RAP1GAP2: variants seen among roughly 807,000 people sequenced by gnomAD.
The protein encoded by RAP1GAP2 is rap1 GTPase-activating protein 2.
In RAP1GAP2, 27 loss-of-function variants were observed where a neutral mutation model predicts 95.0. The ratio of observed to expected loss-of-function variants is 0.28; its 90% CI spans 0.21 to 0.39. The LOEUF (loss-of-function observed/expected upper bound fraction) is 0.39. Ranked by LOEUF, RAP1GAP2 falls within the 10% of genes least tolerant of loss-of-function variation. RAP1GAP2 has a pLI of 1.00. For missense variants in RAP1GAP2, 771 were observed against 970.0 expected (o/e 0.79, Z 2.72); for synonymous variants, 373 against 380.9 (o/e 0.98, Z 0.24).
rs1381186174 is a variant in RAP1GAP2, at chr17:2,904,363, T to C, written c.81-921T>C. ...TCACCAGCGAGGGCCAGATGGAAAG[T>C]GGGGAGTGTGTGAGCGCGGCAAACT... On this transcript the variant is annotated intron_variant, in intron 2 of 24. Transcript: ENST00000254695. The surrounding 1 kb of genome is among the most constrained non-coding windows in gnomAD (Gnocchi z 4.7). Among the ~76,000 whole-genome samples the C allele has an allele frequency of 6.6e-6, 1 of 152,006 alleles. No individual in the cohort carries two copies. The highest frequency in any genetic ancestry group is 1.5e-5 in the Non-Finnish European group (1 of 68,002).
chr17:2,776,380 C>G (rs2068499332), upstream of RAP1GAP2, among the ~76,000 whole-genome samples: 1 of 152,220 alleles, frequency 6.6e-6, no homozygotes, highest in Non-Finnish European at 1.5e-5. Context: ...CCCATTGCCC[C>G]CATTGCATCT....
chr17:2,983,158 C>T (rs1292391210), intron 10 of RAP1GAP2, among the ~76,000 whole-genome samples: 1 of 152,226 alleles, frequency 6.6e-6, no homozygotes, highest in African/African-American at 2.4e-5. Context: ...GCCGCAGATT[C>T]CGGCCAATAA....
intron 2 of RAP1GAP2, among the ~76,000 whole-genome samples, chr17:2,876,323 C>G (rs12103537): frequency 0.014 from 2,125 of 152,216 alleles, 51 homozygotes; most frequent in African/African-American, 0.048. Context: ...ACCAATGTAG[C>G]CCCAGGAGAT....
At position 2,771,136 on chromosome 17, in the gene RAP1GAP2, C is replaced by T. The variant is rs141389960; in HGVS notation, c.167+691C>T. The stretch of plus-strand genomic sequence containing the variant: ...ACAAAAGACCAAAGACTGGAGATCC[C>T]TGGTTCCTTCCTCTCTGGAGGGAGA... On this transcript the variant is annotated intron_variant, in intron 2 of 25. Transcript: ENST00000637138. Among the ~76,000 whole-genome samples the T allele has an allele frequency of 5.4e-4, 83 of 152,300 alleles. 1 individual carries two copies. Among genetic ancestry groups the T allele is most frequent in the African/African-American group, 1.8e-3 (76 of 41,564 alleles).
chr17:2,755,677 A>G (rs1036041492), upstream of RAP1GAP2: 2 of 288,910 alleles, frequency 6.9e-6, no homozygotes, highest in Non-Finnish European at 1.3e-5. Context: ...AGCCTCCTCC[A>G]CCGTGCGGCC....
At chr17:2,810,818 C>A (rs1287131989) in intron 2 of RAP1GAP2, among the ~76,000 whole-genome samples, 2 of 151,902 alleles carry the variant, frequency 1.3e-5, no homozygotes, top group Non-Finnish European at 2.9e-5. Context: ...CGTGAGCCAC[C>A]GCGCCTGGCC....
chr17:2,852,432 C>T (rs1213902351), intron 2 of RAP1GAP2, among the ~76,000 whole-genome samples: 1 of 152,098 alleles, frequency 6.6e-6, no homozygotes, highest in East Asian at 1.9e-4. Flanking sequence ...TCCTCCCCTC[C>T]ACCCCAACTC....
chr17:3,005,249 G>C lies in RAP1GAP2; in HGVS notation c.1201-120G>C, dbSNP rs1014648533. On this transcript the variant is annotated intron_variant, in intron 14 of 24. Transcript: ENST00000254695. The surrounding 1 kb of genome is among the most constrained non-coding windows in gnomAD (Gnocchi z 5.2). The stretch of plus-strand genomic sequence containing the variant: ...CTGGCGATGCTCACAGGAGTATTTT[G>C]TTTGTGTTCTGGGAAGAGGAGGAGG... 2 of 1,017,828 alleles carry C rather than the reference G, an allele frequency of 2.0e-6. No individual in the cohort carries two copies. The highest frequency in any genetic ancestry group is 3.2e-5 in the African/African-American group (2 of 63,372). 63.0% of individuals were successfully genotyped at this position (1,017,828 alleles called of 1,614,324 possible).
Position 3,004,983 on chromosome 17 carries a change from C to T in RAP1GAP2, c.1201-386C>T, listed in dbSNP as rs902303777. Among the ~76,000 whole-genome samples the T allele has an allele frequency of 6.6e-6, 1 of 152,112 alleles. No individual in the cohort carries two copies. Among genetic ancestry groups the T allele is most frequent in the Non-Finnish European group, 1.5e-5 (1 of 68,024 alleles). On this transcript the variant is annotated intron_variant, in intron 14 of 24. Coordinates refer to ENST00000254695, the MANE Select transcript of RAP1GAP2 (RefSeq NM_015085.5). This position sits in a 1 kb window ranked among gnomAD's most constrained non-coding sequence, Gnocchi z 4.1. Reference sequence around the variant, plus strand: ...GGGGGCTTCTCTGTGTGTCTCTGGGCATCTGTTTCCTCATCAGGGAGAACA... The same window carrying T: ...GGGGGCTTCTCTGTGTGTCTCTGGGTATCTGTTTCCTCATCAGGGAGAACA...
chr17:3,007,689 C>T lies in RAP1GAP2; in HGVS notation c.1360-322C>T, dbSNP rs75198841. On this transcript the variant is annotated intron_variant, in intron 16 of 24. Transcript: ENST00000254695. ...GAGAGGAGCAGTGGGGAGTTGGGTG[C>T]GTGGATGTGGAGCTGGGGCAGAGGG... 5.4e-3 allele frequency among the ~76,000 whole-genome samples: 829 copies of T among 152,156 alleles called. 16 individuals are homozygous for T. The highest frequency in any genetic ancestry group is 0.044 in the East Asian group (226 of 5,170).
chr17:2,989,503 T>C (rs1256774879), intron 11 of RAP1GAP2, among the ~76,000 whole-genome samples: 1 of 152,118 alleles, frequency 6.6e-6, no homozygotes, highest in African/African-American at 2.4e-5. Context: ...CAGCTGATTT[T>C]TGCATTTTTA....
At position 3,035,691 on chromosome 17, in the gene RAP1GAP2, A is replaced by C. The variant is rs1374895997; in HGVS notation, c.*2330A>C. On this transcript the variant is annotated 3_prime_UTR_variant, in exon 25 of 25. Coordinates refer to ENST00000254695, the MANE Select transcript of RAP1GAP2 (RefSeq NM_015085.5). The surrounding 1 kb of genome is among the most constrained non-coding windows in gnomAD (Gnocchi z 4.3). ...CCATCCTGTGGCTTCCAGAGTGTGC[A>C]CTTCCAGCCCACCCGGGCAGTGCTG... The C allele has an allele frequency of 2.0e-5, 3 of 152,274 alleles. No individual in the cohort carries two copies. Among genetic ancestry groups the C allele is most frequent in the African/African-American group, 4.8e-5 (2 of 41,420 alleles). The allele number at this position is 152,274 out of a possible 1,614,324, so 9.4% of individuals were successfully genotyped here.
intron 1 of RAP1GAP2, among the ~76,000 whole-genome samples, chr17:2,786,058 T>C (rs1438658846): frequency 2.0e-5 from 3 of 152,078 alleles, no homozygotes; most frequent in Admixed American, 6.6e-5. Flanking sequence ...TGTGCCACCA[T>C]GCCTGGCTAA....
At chr17:2,910,695 CTCGAG>C (rs923197546) in intron 3 of RAP1GAP2, among the ~76,000 whole-genome samples, 3 of 152,128 alleles carry the variant, frequency 2.0e-5, no homozygotes. Flanking sequence ...GCCGTTCCTC[CTCGAG>C]TCAACAGAAT....
At chr17:2,781,782 GTT>G (rs1446352262) in intron 1 of RAP1GAP2, among the ~76,000 whole-genome samples, 1 of 137,258 alleles carries the variant, frequency 7.3e-6, no homozygotes, top group South Asian at 2.4e-4. Flanking sequence ...GTGTGTGCAC[GTT>G]TCTGTGTGTG....
rs1461894555 is a variant in RAP1GAP2, at chr17:2,903,568, A to T, written c.81-1716A>T. 6.6e-6 allele frequency among the ~76,000 whole-genome samples: 1 copy of T among 152,246 alleles called. No homozygotes were observed. Among genetic ancestry groups the T allele is most frequent in the Non-Finnish European group, 1.5e-5 (1 of 68,036 alleles). On this transcript the variant is annotated intron_variant, in intron 2 of 24. Coordinates refer to ENST00000254695, the MANE Select transcript of RAP1GAP2 (RefSeq NM_015085.5). This position sits in a 1 kb window ranked among gnomAD's most constrained non-coding sequence, Gnocchi z 4.1. ...TCTTGAGCCAGTTACAGCCTGGATC[A>T]GGCGGGAGAGTCCCCCCTCTCCAGC...
chr17:3,013,804 C>T (rs144424256), intron 17 of RAP1GAP2, among the ~76,000 whole-genome samples: 9 of 152,032 alleles, frequency 5.9e-5, no homozygotes, highest in African/African-American at 2.2e-4. Flanking sequence ...CTATCTCTTA[C>T]CTGCTATGTG....
intron 2 of RAP1GAP2, among the ~76,000 whole-genome samples, chr17:2,822,615 C>CTT (rs2070351019): frequency 6.9e-6 from 1 of 145,112 alleles, no homozygotes. Context: ...CAATAAAACC[C>CTT]TGTTTTTTTT....
chr17:3,029,449 G>A lies in RAP1GAP2; in HGVS notation c.2108-1473G>A, dbSNP rs1439922778. On this transcript the variant is annotated intron_variant, in intron 22 of 24. Coordinates refer to ENST00000254695, the MANE Select transcript of RAP1GAP2 (RefSeq NM_015085.5). The surrounding 1 kb of genome is among the most constrained non-coding windows in gnomAD (Gnocchi z 4.4). ...ACCCACTGGATCAGGGTGGGCTTGG[G>A]GGGATCTGGGAACCGGTTTCATGCT... Among the ~76,000 whole-genome samples the A allele has an allele frequency of 2.6e-5, 4 of 152,294 alleles. No homozygotes were observed. In the East Asian group the frequency reaches 7.7e-4, roughly 29 times the overall value.
Sources: gnomAD v4.1 joint callset for allele counts (sites outside exome capture counted in the v4.1 genomes callset) on GRCh38, gnomAD v4.1.1 for gene constraint, Gnocchi (gnomAD v3.1) non-coding constraint, MANE v1.5 for transcripts, NCBI Gene and HGNC (gene_info 2026-07-23, HGNC 2026-07-21) for gene names.